COP1: variants seen among roughly 807,000 people sequenced by gnomAD.
COP1 encodes the protein E3 ubiquitin-protein ligase COP1.
Under a neutral mutation model 101.3 loss-of-function variants are expected in COP1, and 24 were observed. That is an observed-to-expected ratio of 0.24 (90% CI 0.17 to 0.33). The LOEUF is 0.33. COP1 is among the 10% of genes least tolerant of loss of function. COP1 has a pLI of 1.00. For missense variants in COP1, 663 were observed against 906.2 expected (o/e 0.73, Z 3.45); for synonymous variants, 347 against 341.9 (o/e 1.01, Z -0.17).
At chr1:175,967,055 T>TTA (rs1209699752) in intron 18 of COP1, among the ~76,000 whole-genome samples, 2 of 152,204 alleles carry the variant, frequency 1.3e-5, no homozygotes, top group Admixed American at 1.3e-4. Context: ...TTACAAAATC[T>TTA]TAAAATCGTT....
intron 9 of COP1, among the ~76,000 whole-genome samples, chr1:176,104,413 T>C (rs186994640): frequency 1.3e-5 from 2 of 152,236 alleles, no homozygotes; most frequent in African/African-American, 4.8e-5. Flanking sequence ...GGTAACAGAC[T>C]AGTATTCCTA....
intron 18 of COP1, among the ~76,000 whole-genome samples, chr1:175,961,731 A>G (rs1022178703): frequency 6.7e-6 from 1 of 150,194 alleles, no homozygotes; most frequent in Non-Finnish European, 1.5e-5. Context: ...TATATTATAG[A>G]GCTCAAAGGG....
At chr1:176,122,943 C>CA (rs531141786) in intron 8 of COP1, among the ~76,000 whole-genome samples, 15 of 152,118 alleles carry the variant, frequency 9.9e-5, no homozygotes, top group African/African-American at 3.6e-4. Flanking sequence ...CAAAAATAGA[C>CA]AAAAATAAGC....
intron 14 of COP1, among the ~76,000 whole-genome samples, chr1:176,034,942 A>C (rs1015354052): frequency 6.6e-6 from 1 of 152,190 alleles, no homozygotes; most frequent in Non-Finnish European, 1.5e-5. Context: ...CCTACTAAGA[A>C]ATGAAGAAAC....
chr1:175,994,452 A>G (rs1012493046), intron 15 of COP1, among the ~76,000 whole-genome samples: 1 of 152,238 alleles, frequency 6.6e-6, no homozygotes, highest in Non-Finnish European at 1.5e-5. Context: ...AGACTGGCAA[A>G]CTGGATAAAG....
chr1:176,018,669 C>T (rs1328937712), intron 15 of COP1: 1 of 152,132 alleles, frequency 6.6e-6, no homozygotes, highest in Non-Finnish European at 1.5e-5. Flanking sequence ...CTAAGTTTAT[C>T]TCTTTTTGCT....
intron 1 of COP1, among the ~76,000 whole-genome samples, chr1:176,204,078 A>C (rs778389540): frequency 3.3e-5 from 5 of 152,222 alleles, no homozygotes; most frequent in Non-Finnish European, 7.3e-5. Context: ...ACTGGGCTAA[A>C]TACATGTACT....
chr1:175,973,220 A>T (rs1012162949), intron 18 of COP1, among the ~76,000 whole-genome samples: 19 of 152,230 alleles, frequency 1.2e-4, no homozygotes, highest in African/African-American at 4.3e-4. Context: ...TGGAGTCTGA[A>T]TTACACAAAT....
intron 7 of COP1, among the ~76,000 whole-genome samples, chr1:176,135,571 C>T (rs545791304): frequency 6.6e-6 from 1 of 152,060 alleles, no homozygotes; most frequent in East Asian, 1.9e-4. Context: ...ATATATTCTT[C>T]ACAAATATTA....
chr1:175,979,398 T>C (rs988974693), intron 18 of COP1, among the ~76,000 whole-genome samples: 1 of 152,046 alleles, frequency 6.6e-6, no homozygotes, highest in African/African-American at 2.4e-5. Flanking sequence ...CTTTTCTAGT[T>C]TACTGAAATC....
At position 176,162,909 on chromosome 1, in the gene COP1, A is replaced by G. The variant is rs939321646; in HGVS notation, c.722T>C (p.Met241Thr). 1.9e-6 allele frequency: 3 copies of G among 1,609,686 alleles called. No homozygotes were observed. Among genetic ancestry groups the G allele is most frequent in the Admixed American group, 1.7e-5 (1 of 59,438 alleles). The stretch of plus-strand genomic sequence containing the variant: ...CTTCTTCTGCACTAGTAACTCCAAC[A>G]TAAGATTGACATTGGCCAAATCAAG... Reference protein sequence around the residue: ...DNLDLANVNLMLELLVQKKKQ... With the variant: ...DNLDLANVNLTLELLVQKKKQ... The change falls in exon 5 of 20, where the codon ATG (methionine) becomes ACG (threonine). Residue 241 changes from methionine to threonine, a missense_variant. By Grantham distance (81) the Met-to-Thr change is moderately conservative. Around this residue, in one of 4 missense-constraint regions of COP1, gnomAD observed 212 missense variants for 240.7 expected, o/e 0.88. Transcript: ENST00000367669.
At chr1:176,141,059 A>G (rs1027359575) in intron 6 of COP1, among the ~76,000 whole-genome samples, 16 of 152,210 alleles carry the variant, frequency 1.1e-4, no homozygotes, top group Non-Finnish European at 1.6e-4. Context: ...TACTCAACTG[A>G]CTTTCATTAG....
At chr1:176,174,543 C>G (rs1283469719) in intron 3 of COP1, among the ~76,000 whole-genome samples, 1 of 113,050 alleles carries the variant, frequency 8.8e-6, no homozygotes, top group Non-Finnish European at 2.0e-5. Context: ...ATGTAATCCT[C>G]CAGCGATTTT....
rs1446468879 is a variant in COP1, at chr1:176,175,929, A to T, written c.546T>A (p.His182Gln). ...ACTCACCCAAGAAATTAGGATACAG[A>T]TGGTCAATATTGTCCACAACATAGT... ...KCNYVVDNIDHLYPNFLVNEL... is the reference protein window; with the variant it reads ...KCNYVVDNIDQLYPNFLVNEL... Residue 182 changes from histidine (H) to glutamine (Q), a missense_variant, in exon 3 of 20, where the codon CAT (histidine) becomes CAA (glutamine). This residue lies in a region of COP1 where 38 missense variants were observed against 78.5 expected (regional missense o/e 0.48). Coordinates refer to ENST00000367669, the MANE Select transcript of COP1 (RefSeq NM_022457.7). 3 of 1,564,028 alleles carry T rather than the reference A, an allele frequency of 1.9e-6. No individual in the cohort carries two copies. The highest frequency in any genetic ancestry group is 2.6e-6 in the Non-Finnish European group (3 of 1,138,948).
chr1:176,140,866 A>G (rs1354155736), intron 6 of COP1, among the ~76,000 whole-genome samples: 1 of 152,212 alleles, frequency 6.6e-6, no homozygotes, highest in Non-Finnish European at 1.5e-5. Context: ...ATGCTATTTG[A>G]GGGCATGGGA....
intron 14 of COP1, among the ~76,000 whole-genome samples, chr1:176,035,710 CAAAAAAAAAAAAA>C (rs71129541): frequency 4.1e-5 from 3 of 73,110 alleles, no homozygotes; most frequent in East Asian, 3.0e-4. Context: ...AAAACGAGAC[CAAAAAAAAAAAAA>C]AAAAAAAAAC....
intron 11 of COP1, 59 bp from the exon 12 acceptor site, chr1:176,046,383 A>T: frequency 1.3e-6 from 2 of 1,513,742 alleles, no homozygotes; most frequent in South Asian, 2.4e-5. Context: ...CTATTTCTAA[A>T]GTAATTCGGT....
At chr1:175,961,622 G>A (rs1371796163) in intron 18 of COP1, among the ~76,000 whole-genome samples, 1 of 151,278 alleles carries the variant, frequency 6.6e-6, no homozygotes, top group Non-Finnish European at 1.5e-5. Flanking sequence ...CCTGAGCCTG[G>A]GAGGTCAAGG....
intron 9 of COP1, among the ~76,000 whole-genome samples, chr1:176,093,814 G>A (rs1195978423): frequency 6.6e-6 from 1 of 151,744 alleles, no homozygotes; most frequent in Non-Finnish European, 1.5e-5. Context: ...CTCCAGCCTA[G>A]GTGACAGAGC....
Sources: allele counts gnomAD v4.1 joint callset (sites outside exome capture counted in the v4.1 genomes callset), GRCh38; gene constraint gnomAD v4.1.1; regional missense constraint gnomAD v4.1.1; transcripts MANE v1.5; gene names NCBI Gene and HGNC (gene_info 2026-07-23, HGNC 2026-07-21).